The following THEMIS variants were observed in gnomAD, a reference collection of about 807,000 sequenced individuals.
THEMIS encodes thymocyte selection associated, also known as protein THEMIS.
In THEMIS, 37 loss-of-function variants were observed where a neutral mutation model predicts 52.6. The ratio of observed to expected loss-of-function variants is 0.70; its 90% CI spans 0.54 to 0.93. The LOEUF (loss-of-function observed/expected upper bound fraction) is 0.93. THEMIS is among the 40% of genes least tolerant of loss of function. The pLI, the probability that THEMIS is intolerant of heterozygous loss-of-function variation, is 0.00. For missense variants in THEMIS, 808 were observed against 763.1 expected, an observed-to-expected ratio of 1.06 and a Z score of -0.69; for synonymous variants, 292 against 272.7, an observed-to-expected ratio of 1.07 and a Z score of -0.70.
intron 4 of THEMIS, among the ~76,000 whole-genome samples, chr6:127,750,084 T>C (rs759417378): frequency 1.3e-5 from 2 of 150,224 alleles, no homozygotes; most frequent in Non-Finnish European, 3.0e-5. Context: ...ATTATAATCA[T>C]TGTTATTACA....
intron 2 of THEMIS, among the ~76,000 whole-genome samples, chr6:127,837,727 T>C (rs1017361349): frequency 1.3e-5 from 2 of 152,070 alleles, no homozygotes; most frequent in Admixed American, 6.6e-5. Flanking sequence ...TTTAAAATTC[T>C]GACATTTTTT....
chr6:127,722,797 T>C (rs142973087), intron 4 of THEMIS, among the ~76,000 whole-genome samples: 2 of 152,132 alleles, frequency 1.3e-5, no homozygotes, highest in East Asian at 3.9e-4. Flanking sequence ...ATCTATCTAC[T>C]AATATCCATG....
intron 2 of THEMIS, 90 bp downstream of exon 2, chr6:127,854,936 AACAG>A: frequency 8.5e-7 from 1 of 1,171,222 alleles, no homozygotes; most frequent in Non-Finnish European, 1.1e-6. Context: ...TAGAGTGAAA[AACAG>A]ACCATTTTTT....
chr6:127,874,366 A>G (rs1353545890), intron 1 of THEMIS, among the ~76,000 whole-genome samples: 1 of 152,146 alleles, frequency 6.6e-6, no homozygotes, highest in African/African-American at 2.4e-5. Context: ...AGCACCATAA[A>G]CAGTCTGTAA....
intron 1 of THEMIS, chr6:127,868,443 G>A (rs1318070483): frequency 2.0e-6 from 2 of 985,178 alleles, no homozygotes; most frequent in East Asian, 1.1e-4. Flanking sequence ...CTTAGATTGG[G>A]GATAAAGACA....
At chr6:127,725,444 G>GTC (rs1490164005) in intron 4 of THEMIS, among the ~76,000 whole-genome samples, 4 of 151,878 alleles carry the variant, frequency 2.6e-5, no homozygotes, top group African/African-American at 7.3e-5. Context: ...GTGTGTGTGT[G>GTC]TGTGTCTGTG....
intron 2 of THEMIS, among the ~76,000 whole-genome samples, chr6:127,833,217 T>C (rs1196920344): frequency 3.3e-5 from 5 of 152,162 alleles, no homozygotes; most frequent in South Asian, 4.1e-4. Context: ...AATTAATAAA[T>C]GAATGTAGTC....
At chr6:127,906,708 C>G (rs930872951) in intron 1 of THEMIS, among the ~76,000 whole-genome samples, 2 of 151,938 alleles carry the variant, frequency 1.3e-5, no homozygotes, top group African/African-American at 2.4e-5. Flanking sequence ...AGTCTTGCTA[C>G]TACTTAACAC....
intron 1 of THEMIS, among the ~76,000 whole-genome samples, chr6:127,895,165 G>T (rs994285621): frequency 1.3e-5 from 2 of 151,200 alleles, no homozygotes; most frequent in African/African-American, 4.8e-5. Flanking sequence ...GCAAAGAATA[G>T]TTGGGAACTT....
rs529862101 is a variant in THEMIS, at chr6:127,813,307, G to A, written c.1334C>T (p.Pro445Leu). The A allele has an allele frequency of 2.9e-5, 47 of 1,614,108 alleles. No individual in the cohort carries two copies. Among genetic ancestry groups the A allele is most frequent in the African/African-American group, 9.3e-5 (7 of 75,026 alleles). Residue 445 changes from proline to leucine, a missense_variant, in exon 4 of 6, where the codon CCG becomes CTG. Coordinates refer to ENST00000368248, the MANE Select transcript of THEMIS (RefSeq NM_001010923.3). ...VEVIHDKKQY[P>L]ISELCKQFRL... ...GAACTGTTTACAGAGCTCAGAAATC[G>A]GGTACTGTTTCTTATCATGAATCAC...
chr6:127,704,250 CT>C (rs1773771223), downstream of THEMIS, among the ~76,000 whole-genome samples: 1 of 152,146 alleles, frequency 6.6e-6, no homozygotes, highest in Admixed American at 6.5e-5. Flanking sequence ...CTTGAATATA[CT>C]GCTCTGAATC....
chr6:127,863,734 T>C (rs560505175), intron 1 of THEMIS, among the ~76,000 whole-genome samples: 1 of 152,262 alleles, frequency 6.6e-6, no homozygotes, highest in South Asian at 2.1e-4. Flanking sequence ...TGTACTTAAG[T>C]GTTCCAGGAA....
intron 4 of THEMIS, among the ~76,000 whole-genome samples, chr6:127,770,281 C>T (rs942891092): frequency 3.3e-5 from 5 of 152,108 alleles, no homozygotes; most frequent in Non-Finnish European, 5.9e-5. Context: ...GTCTCCAGCA[C>T]CTATTGTTTC....
intron 4 of THEMIS, among the ~76,000 whole-genome samples, chr6:127,767,881 G>C (rs1015313685): frequency 6.6e-6 from 1 of 152,054 alleles, no homozygotes; most frequent in Non-Finnish European, 1.5e-5. Flanking sequence ...TGACAGCTAC[G>C]ACCTCACTAG....
At chr6:127,735,423 A>G (rs921314482) in intron 4 of THEMIS, among the ~76,000 whole-genome samples, 9 of 152,246 alleles carry the variant, frequency 5.9e-5, no homozygotes, top group Non-Finnish European at 1.2e-4. Flanking sequence ...ATCTAAAAGG[A>G]GCAATGACTT....
At chr6:127,747,704 G>T (rs1775498729) in intron 4 of THEMIS, among the ~76,000 whole-genome samples, 1 of 151,666 alleles carries the variant, frequency 6.6e-6, no homozygotes. Context: ...AAATATAGTG[G>T]GATAATATGT....
upstream of THEMIS, among the ~76,000 whole-genome samples, chr6:127,903,738 A>G (rs1427204970): frequency 1.4e-5 from 2 of 139,494 alleles, no homozygotes. Context: ...AACAAAATAG[A>G]AAAAAAAAAA....
At chr6:127,728,227 ACT>A (rs1408650831) in intron 4 of THEMIS, among the ~76,000 whole-genome samples, 3 of 151,594 alleles carry the variant, frequency 2.0e-5, no homozygotes, top group Non-Finnish European at 2.9e-5. Context: ...GGATTCTAAC[ACT>A]CTCCTCTGTG....
chr6:127,910,840 C>T (rs1258902329), intron 1 of THEMIS, among the ~76,000 whole-genome samples: 6 of 152,082 alleles, frequency 3.9e-5, no homozygotes, highest in Admixed American at 2.0e-4. Context: ...ATTTTGCTAA[C>T]GTCATTTTTC....
Sources: allele counts gnomAD v4.1 joint callset (sites outside exome capture counted in the v4.1 genomes callset), GRCh38; gene constraint gnomAD v4.1.1; transcripts MANE v1.5; gene names NCBI Gene and HGNC (gene_info 2026-07-23, HGNC 2026-07-21).